PSMD1: variants seen among roughly 807,000 people sequenced by gnomAD.
The protein encoded by PSMD1 is proteasome 26S subunit, non-ATPase 1.
A neutral mutation model predicts 119.0 loss-of-function variants in PSMD1; 18 were observed. The ratio of observed to expected loss-of-function variants is 0.15; its 90% CI spans 0.10 to 0.22. PSMD1 has a LOEUF of 0.22. Among genes scored for constraint, PSMD1 ranks in the 10% least tolerant of loss-of-function variants. The pLI, the probability that PSMD1 is intolerant of heterozygous loss-of-function variation, is 1.00. For missense variants in PSMD1, 702 were observed against 1,158.5 expected (o/e 0.61, Z 5.72); for synonymous variants, 374 against 396.6 (o/e 0.94, Z 0.68).
At chr2:231,100,816 AAACCCTAGCCTG>A (rs2125193595) in intron 16 of PSMD1, among the ~76,000 whole-genome samples, 1 of 152,304 alleles carries the variant, frequency 6.6e-6, no homozygotes, top group African/African-American at 2.4e-5. Context: ...TCCCATGATG[AAACCCTAGCCTG>A]AACAATCCCC....
intron 15 of PSMD1, 45 bp from the exon 16 acceptor site, chr2:231,087,072 T>C (rs751007117): frequency 6.5e-7 from 1 of 1,543,478 alleles, no homozygotes; most frequent in South Asian, 1.1e-5. Flanking sequence ...TTTGGTCTAG[T>C]GGTAGACTAC....
chr2:231,066,918 A>G lies in PSMD1; in HGVS notation c.317A>G (p.Asp106Gly). Residue 106 changes from aspartate (D) to glycine (G), a missense_variant, in exon 5 of 25, where the codon GAT (aspartate) becomes GGT (glycine). Physicochemically the swap from Asp to Gly is moderately conservative, Grantham distance 94. Coordinates refer to ENST00000308696, the MANE Select transcript of PSMD1 (RefSeq NM_002807.4). ...YVETIIAKCIDHYTKQCVENA... is the reference protein window; with the variant it reads ...YVETIIAKCIGHYTKQCVENA... ...ATTTCCTCAACAGCAAAATGCATTG[A>G]TCACTACACCAAACAATGTGTGGAA... The G allele has an allele frequency of 6.2e-7, 1 of 1,600,330 alleles. No homozygotes were observed. Among genetic ancestry groups the G allele is most frequent in the Admixed American group, 1.8e-5 (1 of 56,426 alleles).
At chr2:231,105,781 A>G (rs1430726104) in intron 16 of PSMD1, among the ~76,000 whole-genome samples, 1 of 152,182 alleles carries the variant, frequency 6.6e-6, no homozygotes, top group Non-Finnish European at 1.5e-5. Flanking sequence ...AAACCCTCAT[A>G]GTGAACCAGT....
At chr2:231,135,817 A>C (rs893213035) in intron 16 of PSMD1, among the ~76,000 whole-genome samples, 4 of 152,204 alleles carry the variant, frequency 2.6e-5, no homozygotes, top group Non-Finnish European at 5.9e-5. Context: ...AGTGACAATT[A>C]GTATTATTTC....
chr2:231,067,064 C>T lies in PSMD1; in HGVS notation c.463C>T (p.Leu155=). 2 of 1,612,890 alleles carry T rather than the reference C, an allele frequency of 1.2e-6. No homozygotes were observed. Among genetic ancestry groups the T allele is most frequent in the East Asian group, 2.2e-5 (1 of 44,828 alleles). The change falls in exon 5 of 25, where the codon CTG becomes TTG. Residue 155 remains leucine (L), a synonymous_variant. Coordinates refer to ENST00000308696, the MANE Select transcript of PSMD1 (RefSeq NM_002807.4). The part of the protein sequence containing the change: ...HKYKQAIGIA[L]ETRRLDVFEK... ...GTATAAACAGGCTATTGGCATTGCT[C>T]TGGAGACACGAAGACTGGACGTCTT...
intron 16 of PSMD1, among the ~76,000 whole-genome samples, chr2:231,122,349 A>G (rs1337825010): frequency 1.3e-5 from 2 of 152,114 alleles, no homozygotes; most frequent in Non-Finnish European, 2.9e-5. Flanking sequence ...CCTGGGTATA[A>G]TAGTTGGAAT....
At chr2:231,107,657 T>C (rs1343763503) in intron 16 of PSMD1, among the ~76,000 whole-genome samples, 1 of 152,182 alleles carries the variant, frequency 6.6e-6, no homozygotes, top group Admixed American at 6.5e-5. Context: ...CAAAATAATA[T>C]ACTGAAAGGA....
chr2:231,059,302 C>T (rs184548574), intron 1 of PSMD1, among the ~76,000 whole-genome samples: 42 of 152,264 alleles, frequency 2.8e-4, no homozygotes, highest in Non-Finnish European at 5.9e-4. Context: ...GTTTTCTGTC[C>T]TATGGCTCAT....
At chr2:231,087,633 G>A (rs1239441222) in intron 16 of PSMD1, among the ~76,000 whole-genome samples, 3 of 152,152 alleles carry the variant, frequency 2.0e-5, no homozygotes, top group Non-Finnish European at 2.9e-5. Flanking sequence ...TAGTCATGGA[G>A]ATGTCCTTGG....
At chr2:231,109,672 G>C (rs1411525129) in intron 16 of PSMD1, among the ~76,000 whole-genome samples, 2 of 152,196 alleles carry the variant, frequency 1.3e-5, no homozygotes, top group African/African-American at 4.8e-5. Flanking sequence ...GTATATCCAT[G>C]ATACAGTGGA....
intron 16 of PSMD1, among the ~76,000 whole-genome samples, chr2:231,134,563 C>T (rs1695927865): frequency 6.6e-6 from 1 of 152,180 alleles, no homozygotes; most frequent in South Asian, 2.1e-4. Context: ...CTGCCATGCA[C>T]CCAAGTGGTT....
intron 16 of PSMD1, among the ~76,000 whole-genome samples, chr2:231,137,211 G>A (rs141301047): frequency 6.6e-6 from 1 of 151,072 alleles, no homozygotes; most frequent in African/African-American, 2.4e-5. Flanking sequence ...TCTGCCTCCC[G>A]GGTTCAAGGG....
chr2:231,074,616 G>C (rs1414878611), intron 7 of PSMD1, among the ~76,000 whole-genome samples: 1 of 151,888 alleles, frequency 6.6e-6, no homozygotes, highest in Non-Finnish European at 1.5e-5. Context: ...TATATTTTAT[G>C]TAATTTTCCT....
At chr2:231,088,968 A>C (rs1694519870) in intron 16 of PSMD1, among the ~76,000 whole-genome samples, 1 of 152,228 alleles carries the variant, frequency 6.6e-6, no homozygotes, top group African/African-American at 2.4e-5. Flanking sequence ...GCAAATGATA[A>C]GGAAGTGCAA....
At chr2:231,077,480 C>T (rs1346076116) in intron 9 of PSMD1, among the ~76,000 whole-genome samples, 4 of 151,880 alleles carry the variant, frequency 2.6e-5, no homozygotes, top group Non-Finnish European at 5.9e-5. Context: ...GCTCTTGAGC[C>T]GCTTGCTTCA....
At chr2:231,064,785 C>T (rs1693858170) in intron 4 of PSMD1, among the ~76,000 whole-genome samples, 1 of 152,234 alleles carries the variant, frequency 6.6e-6, no homozygotes, top group East Asian at 1.9e-4. Flanking sequence ...CGTGCCTCAG[C>T]CTCCCAAGTA....
chr2:231,102,282 G>T (rs1694887276), intron 16 of PSMD1, among the ~76,000 whole-genome samples: 1 of 152,022 alleles, frequency 6.6e-6, no homozygotes, highest in Admixed American at 6.5e-5. Flanking sequence ...TAGTAGTCTA[G>T]AACCAAACCC....
intron 7 of PSMD1, among the ~76,000 whole-genome samples, chr2:231,074,892 G>A (rs942719097): frequency 6.6e-6 from 1 of 151,968 alleles, no homozygotes; most frequent in African/African-American, 2.4e-5. Context: ...GCAGTGGTGC[G>A]ATCATAGCTC....
intron 18 of PSMD1, among the ~76,000 whole-genome samples, chr2:231,148,878 T>C (rs1210934156): frequency 2.6e-5 from 4 of 152,218 alleles, no homozygotes; most frequent in African/African-American, 4.8e-5. Flanking sequence ...AAGAAAAATC[T>C]GTTGAGAAAC....
Sources: allele counts gnomAD v4.1 joint callset (sites outside exome capture counted in the v4.1 genomes callset), GRCh38; gene constraint gnomAD v4.1.1; transcripts MANE v1.5; gene names NCBI Gene and HGNC (gene_info 2026-07-23, HGNC 2026-07-21).